The following CLIC2 variants were observed in gnomAD, a reference collection of about 807,000 sequenced individuals.
CLIC2 encodes the protein CLIC family member 2, also known as chloride intracellular channel protein 2.
A neutral mutation model predicts 14.8 loss-of-function variants in CLIC2; 9 were observed. That is an observed-to-expected ratio of 0.61 (90% confidence interval 0.37 to 1.06). CLIC2 has a LOEUF of 1.06. Among genes scored for constraint, CLIC2 ranks in the 50% least tolerant of loss-of-function variants. The pLI, the probability that CLIC2 is intolerant of heterozygous loss-of-function variation, is 0.01. For missense variants in CLIC2, 148 were observed against 181.4 expected (o/e 0.82, Z 1.06); for synonymous variants, 61 against 66.3 (o/e 0.92, Z 0.39).
At chrX:155,315,511 G>T (rs1305801855) in intron 1 of CLIC2, among the ~76,000 whole-genome samples, 1 of 111,777 alleles carries the variant, frequency 8.9e-6, no homozygotes, top group African/African-American at 3.2e-5. Context: ...GTGAAACTAA[G>T]CTTCATAAAT....
chrX:155,311,137 T>C lies in CLIC2; in HGVS notation c.58-11992A>G, dbSNP rs923135846. On this transcript the variant is annotated intron_variant, in intron 1 of 5. Coordinates refer to ENST00000369449, the MANE Select transcript of CLIC2 (RefSeq NM_001289.6). Reference sequence around the variant, plus strand: ...TTAACATTCTGCTCCTTGTTACTTATGCAAATTTCTGTAGCTGGCTTGAAT... The same window carrying C: ...TTAACATTCTGCTCCTTGTTACTTACGCAAATTTCTGTAGCTGGCTTGAAT... 1.1e-4 allele frequency among the ~76,000 whole-genome samples: 12 copies of C among 112,453 alleles called. No homozygotes were observed. The East Asian group carries it at 1.1e-3, about 10-fold the overall frequency.
intron 1 of CLIC2, among the ~76,000 whole-genome samples, chrX:155,320,467 C>T (rs781919324): frequency 1.8e-5 from 2 of 111,961 alleles, no homozygotes; most frequent in Admixed American, 9.4e-5. Flanking sequence ...AGCAGAGGGT[C>T]CTGACTGTTA....
At chrX:155,333,445 G>A (rs1390202136) in intron 1 of CLIC2, among the ~76,000 whole-genome samples, 10 of 110,670 alleles carry the variant, frequency 9.0e-5, no homozygotes, top group African/African-American at 3.3e-4. Flanking sequence ...TATCTCCTAA[G>A]TTGTTAGGAC....
At chrX:155,310,487 CT>C in intron 1 of CLIC2, 1 of 257,309 alleles carries the variant, frequency 3.9e-6, no homozygotes, top group Non-Finnish European at 7.8e-6. Context: ...ACCTTGTTTC[CT>C]TGGGCAGCTC....
At chrX:155,319,904 G>C (rs1466367975) in intron 1 of CLIC2, among the ~76,000 whole-genome samples, 1 of 112,097 alleles carries the variant, frequency 8.9e-6, no homozygotes, top group Non-Finnish European at 1.9e-5. Context: ...TGAGGCTTGA[G>C]TAAGCTCTTT....
chrX:155,308,555 GAGAATGTCAT>G (rs1557320243), intron 1 of CLIC2, among the ~76,000 whole-genome samples: 2 of 111,707 alleles, frequency 1.8e-5, no homozygotes, highest in Non-Finnish European at 3.8e-5. Context: ...ATGCAAGTAC[GAGAATGTCAT>G]AGAACACCAA....
At position 155,289,658 on chromosome X, in the gene CLIC2, T is replaced by C. The variant is rs189494573; in HGVS notation, c.293+9127A>G. Among the ~76,000 whole-genome samples, 3 of 112,063 alleles carry C rather than the reference T, an allele frequency of 2.7e-5. No individual in the cohort carries two copies. The Admixed American group carries it at 2.8e-4, about 11-fold the overall frequency. The stretch of plus-strand genomic sequence containing the variant: ...ATTTAAATTTCAATCTGAACATAAA[T>C]GTTTGGCTTCACAGAGCCTTAGATA... On this transcript the variant is annotated intron_variant, in intron 3 of 5. Coordinates refer to ENST00000369449, the MANE Select transcript of CLIC2 (RefSeq NM_001289.6).
chrX:155,293,373 T>C (rs1417128627), intron 3 of CLIC2: 2 of 1,051,736 alleles, frequency 1.9e-6, no homozygotes, highest in Non-Finnish European at 2.7e-6. Context: ...AAGGAAAGGC[T>C]GAATCACTTA....
At chrX:155,330,911 G>T (rs1269182801) in intron 1 of CLIC2, among the ~76,000 whole-genome samples, 1 of 110,370 alleles carries the variant, frequency 9.1e-6, no homozygotes, top group Admixed American at 9.7e-5. Context: ...GGAAATAAAA[G>T]GTACTTCATC....
At chrX:155,285,654 AG>A (rs2074939335) in intron 3 of CLIC2, among the ~76,000 whole-genome samples, 1 of 111,281 alleles carries the variant, frequency 9.0e-6, no homozygotes, top group Non-Finnish European at 1.9e-5. Flanking sequence ...TGTTGCCTGG[AG>A]TTCCAGCAGA....
chrX:155,332,277 C>T (rs2075159448), intron 1 of CLIC2, among the ~76,000 whole-genome samples: 1 of 111,590 alleles, frequency 9.0e-6, no homozygotes. Context: ...AAAAATTACT[C>T]ATTAGCACTT....
Position 155,277,580 on chromosome X carries a change from T to A in CLIC2, c.*323A>T. On this transcript the variant is annotated 3_prime_UTR_variant, in exon 6 of 6. Coordinates refer to ENST00000369449, the MANE Select transcript of CLIC2 (RefSeq NM_001289.6). Reference sequence around the variant, plus strand: ...TGAGATTGTACCTCTACTTATGACATTTATAACTGCAGACATCTGTTTAGC... The same window carrying A: ...TGAGATTGTACCTCTACTTATGACAATTATAACTGCAGACATCTGTTTAGC... 5.2e-6 allele frequency: 1 copy of A among 194,151 alleles called. No individual in the cohort carries two copies. The highest frequency in any genetic ancestry group is 7.1e-5 in the Admixed American group (1 of 14,113). The allele number at this position is 194,151 out of a possible 1,213,427, so 16.0% of individuals were successfully genotyped here.
intron 3 of CLIC2, among the ~76,000 whole-genome samples, chrX:155,293,587 C>T (rs111839450): frequency 9.0e-5 from 10 of 111,228 alleles, no homozygotes; most frequent in African/African-American, 3.3e-4. Flanking sequence ...TAAACATAAA[C>T]AGATTAAATA....
intron 1 of CLIC2, among the ~76,000 whole-genome samples, chrX:155,313,202 A>AC (rs1466933715): frequency 2.8e-5 from 3 of 108,806 alleles, no homozygotes; most frequent in African/African-American, 1.0e-4. Context: ...TAAGGCAAAA[A>AC]AAAAAAAAAA....
At chrX:155,286,290 T>G (rs782584774) in intron 3 of CLIC2, among the ~76,000 whole-genome samples, 8 of 112,362 alleles carry the variant, frequency 7.1e-5, no homozygotes, top group Non-Finnish European at 1.9e-5. Context: ...TCCATCCATG[T>G]TCCTGCAAAA....
chrX:155,302,354 A>G (rs1172275203), intron 1 of CLIC2, among the ~76,000 whole-genome samples: 6 of 109,727 alleles, frequency 5.5e-5, no homozygotes, highest in Non-Finnish European at 1.1e-4. Flanking sequence ...TAGATTTTCT[A>G]GTTTATTTGC....
At chrX:155,291,996 A>G (rs1361233029) in intron 3 of CLIC2, among the ~76,000 whole-genome samples, 4 of 112,285 alleles carry the variant, frequency 3.6e-5, no homozygotes, top group Non-Finnish European at 7.5e-5. Flanking sequence ...TCGAAGGATG[A>G]AATTGAAGAT....
At position 155,290,265 on chromosome X, in the gene CLIC2, A is replaced by C. The variant is rs1602933034; in HGVS notation, c.293+8520T>G. On this transcript the variant is annotated intron_variant, in intron 3 of 5. Coordinates refer to ENST00000369449, the MANE Select transcript of CLIC2 (RefSeq NM_001289.6). ...TTCCAAAAAGTACAATTTTTTCCCT[A>C]CTTTATATCAACATGGAATGATTTC... is the stretch of plus-strand genomic sequence containing the variant. 4 of 187,716 alleles carry C rather than the reference A, an allele frequency of 2.1e-5. No homozygotes were observed. In the East Asian group the frequency reaches 4.4e-4, roughly 21 times the overall value. The allele number at this position is 187,716 out of a possible 1,213,427, so 15.5% of individuals were successfully genotyped here.
At chrX:155,280,921 T>C (rs1311058265) in intron 3 of CLIC2, among the ~76,000 whole-genome samples, 1 of 106,831 alleles carries the variant, frequency 9.4e-6, no homozygotes, top group Admixed American at 1.0e-4. Flanking sequence ...TGCAGCATTA[T>C]TCACAAAAGC....
Sources: allele counts gnomAD v4.1 joint callset (sites outside exome capture counted in the v4.1 genomes callset), GRCh38; gene constraint gnomAD v4.1.1; transcripts MANE v1.5; gene names NCBI Gene and HGNC (gene_info 2026-07-23, HGNC 2026-07-21).